Variants in HTR4 observed in about 807,000 individuals in gnomAD.
The protein encoded by HTR4 is 5-hydroxytryptamine (serotonin) receptor 4, G protein-coupled.
HTR4 carries 16 observed loss-of-function variants against 36.8 expected under a neutral mutation model. That is an observed-to-expected ratio of 0.43 (90% confidence interval 0.29 to 0.66). HTR4 has a LOEUF of 0.66. Ranked by LOEUF, HTR4 falls within the 30% of genes least tolerant of loss-of-function variation. The probability of loss-of-function intolerance (pLI) is 0.13; values close to 1 mark genes in which losing one functional copy is unlikely to be tolerated. For missense variants in HTR4, 438 were observed against 490.9 expected (o/e 0.89, Z 1.02); for synonymous variants, 189 against 185.1 (o/e 1.02, Z -0.17).
At chr5:148,577,348 A>T (rs1047655963) in intron 2 of HTR4, among the ~76,000 whole-genome samples, 2 of 152,152 alleles carry the variant, frequency 1.3e-5, no homozygotes, top group Non-Finnish European at 2.9e-5. Context: ...GAGAAAGGGG[A>T]ACACTTGTGC....
At chr5:148,460,695 A>G (rs1432101186) in intron 5 of HTR4, among the ~76,000 whole-genome samples, 3 of 152,178 alleles carry the variant, frequency 2.0e-5, no homozygotes, top group African/African-American at 7.2e-5. Flanking sequence ...TCTCAGTTTT[A>G]CATAGAAAAA....
At chr5:148,524,493 C>G (rs551157928) in intron 4 of HTR4, among the ~76,000 whole-genome samples, 1 of 152,192 alleles carries the variant, frequency 6.6e-6, no homozygotes, top group African/African-American at 2.4e-5. Flanking sequence ...TAACTTTCTT[C>G]CTGCCTCCAG....
intron 2 of HTR4, 144 bp downstream of exon 2, chr5:148,636,845 A>T: frequency 2.0e-6 from 1 of 508,670 alleles, no homozygotes; most frequent in African/African-American, 2.0e-5. Flanking sequence ...ATAATCAAAC[A>T]GTACTGTGAA....
Position 148,481,980 on chromosome 5 carries a change from T to C in HTR4, c.*1223A>G, listed in dbSNP as rs1755908302. 2.0e-6 allele frequency: 2 copies of C among 1,022,362 alleles called. No individual in the cohort carries two copies. The highest frequency in any genetic ancestry group is 4.4e-5 in the South Asian group (1 of 22,576). 63.3% of individuals were successfully genotyped at this position (1,022,362 alleles called of 1,614,324 possible). ...AGCAGACGGCTATAGCAGCATACTG[T>C]TGTCTTAGAAACAGAAAGAAAACTT... On this transcript the variant is annotated 3_prime_UTR_variant, in exon 7 of 7. Coordinates refer to ENST00000377888, the MANE Select transcript of HTR4 (RefSeq NM_000870.7).
chr5:148,507,565 T>C (rs762520317), intron 6 of HTR4, among the ~76,000 whole-genome samples: 1 of 133,896 alleles, frequency 7.5e-6, no homozygotes, highest in Admixed American at 7.1e-5. Flanking sequence ...ACTCATACCA[T>C]ATAAGTTTCT....
chr5:148,476,346 C>G (rs1755693527), downstream of HTR4, among the ~76,000 whole-genome samples: 1 of 152,140 alleles, frequency 6.6e-6, no homozygotes, highest in South Asian at 2.1e-4. Flanking sequence ...AAGCTTAAGC[C>G]CTTTTTCAAT....
At chr5:148,609,677 T>C (rs1752328443) in intron 2 of HTR4, among the ~76,000 whole-genome samples, 1 of 151,742 alleles carries the variant, frequency 6.6e-6, no homozygotes, top group African/African-American at 2.4e-5. Flanking sequence ...GCCATTCTCC[T>C]GCCTCAGCCT....
intron 6 of HTR4, among the ~76,000 whole-genome samples, chr5:148,483,934 ATTATTTATTTATTTATTTATTTAT>A (rs146566008): frequency 0.032 from 4,611 of 144,816 alleles, 190 homozygotes; most frequent in East Asian, 0.12. Flanking sequence ...AGTTGATTTT[ATTATTTATTTATTTATTTATTTAT>A]TTATTTATTT....
At chr5:148,546,285 C>T (rs1759380188) in intron 4 of HTR4, among the ~76,000 whole-genome samples, 1 of 152,144 alleles carries the variant, frequency 6.6e-6, no homozygotes. Flanking sequence ...AATGGATTAT[C>T]CAATTTATAC....
Position 148,482,038 on chromosome 5 carries a change from A to C in HTR4, c.*1165T>G. On this transcript the variant is annotated 3_prime_UTR_variant, in exon 7 of 7. Coordinates refer to ENST00000377888, the MANE Select transcript of HTR4 (RefSeq NM_000870.7). ...CTCTAGTCCAAGCTTGAGTGCACAG[A>C]TGTGGAAAGTGGGGTCCAGAGATGA... is the stretch of plus-strand genomic sequence containing the variant. The C allele has an allele frequency of 1.0e-6, 1 of 984,480 alleles. No individual in the cohort carries two copies. The highest frequency in any genetic ancestry group is 1.2e-6 in the Non-Finnish European group (1 of 827,666). The allele number at this position is 984,480 out of a possible 1,614,324, so 61.0% of individuals were successfully genotyped here. A position where few individuals can be genotyped will look rare whatever the true frequency, so the allele number is the denominator to read the frequency against.
chr5:148,506,479 T>C (rs1757222312), intron 6 of HTR4, among the ~76,000 whole-genome samples: 1 of 152,132 alleles, frequency 6.6e-6, no homozygotes, highest in South Asian at 2.1e-4. Flanking sequence ...ACTACATGTC[T>C]AAAACACCAA....
chr5:148,458,114 G>T (rs191533022), intron 5 of HTR4, among the ~76,000 whole-genome samples: 8 of 46,296 alleles, frequency 1.7e-4, no homozygotes, highest in Admixed American at 1.9e-4. Context: ...CTATTAAATA[G>T]ATCTTAAAAT....
At chr5:148,518,745 GA>G (rs1267216174) in intron 5 of HTR4, among the ~76,000 whole-genome samples, 2 of 151,994 alleles carry the variant, frequency 1.3e-5, no homozygotes, top group African/African-American at 4.8e-5. Context: ...GCCATTCCTT[GA>G]ACTACCCAAG....
chr5:148,493,632 T>C (rs1219810924), intron 6 of HTR4, among the ~76,000 whole-genome samples: 1 of 152,056 alleles, frequency 6.6e-6, no homozygotes, highest in Non-Finnish European at 1.5e-5. Context: ...AAAACAAAGG[T>C]AATTAGCAAG....
At chr5:148,653,196 A>G (rs1279763401) in intron 1 of HTR4, among the ~76,000 whole-genome samples, 1 of 152,164 alleles carries the variant, frequency 6.6e-6, no homozygotes, top group East Asian at 1.9e-4. Flanking sequence ...GTGTCCTTCC[A>G]TCAAAAGCCT....
intron 6 of HTR4, among the ~76,000 whole-genome samples, chr5:148,504,640 G>A (rs906664714): frequency 6.6e-5 from 10 of 151,974 alleles, no homozygotes; most frequent in African/African-American, 1.9e-4. Flanking sequence ...AAATAACTAA[G>A]ATCAGAGCAG....
intron 2 of HTR4, among the ~76,000 whole-genome samples, chr5:148,607,931 C>T (rs1046729596): frequency 2.6e-5 from 4 of 152,018 alleles, no homozygotes; most frequent in Non-Finnish European, 4.4e-5. Flanking sequence ...TTGGCAATGT[C>T]GTATACTGCC....
intron 5 of HTR4, among the ~76,000 whole-genome samples, chr5:148,461,184 A>G (rs1755270065): frequency 6.6e-6 from 1 of 152,214 alleles, no homozygotes; most frequent in South Asian, 2.1e-4. Flanking sequence ...TTAAAACCAC[A>G]AAAGGTAGAA....
chr5:148,643,701 T>C (rs1304608900), intron 1 of HTR4, among the ~76,000 whole-genome samples: 1 of 152,188 alleles, frequency 6.6e-6, no homozygotes, highest in Non-Finnish European at 1.5e-5. Flanking sequence ...AGAGAAGGAA[T>C]AATTAGCTTT....
Sources: gnomAD v4.1 joint callset for allele counts (sites outside exome capture counted in the v4.1 genomes callset) on GRCh38, gnomAD v4.1.1 for gene constraint, MANE v1.5 for transcripts, NCBI Gene and HGNC (gene_info 2026-07-23, HGNC 2026-07-21) for gene names.